The following CDH26 variants were observed in gnomAD, a reference collection of about 807,000 sequenced individuals.
CDH26 encodes cadherin-like protein 26.
Under a neutral mutation model 90.3 loss-of-function variants are expected in CDH26, and 83 were observed. The observed-to-expected ratio is 0.92, with a 90% CI of 0.77 to 1.10. CDH26 has a LOEUF of 1.10. CDH26 is among the 50% of genes least tolerant of loss of function. CDH26 has a pLI of 0.00. For synonymous variants in CDH26, 397 were observed against 396.3 expected, an observed-to-expected ratio of 1.00 and a Z score of -0.02; for missense variants, 1,013 against 1,037.6, an observed-to-expected ratio of 0.98 and a Z score of 0.33.
intron 4 of CDH26, among the ~76,000 whole-genome samples, chr20:59,981,288 T>C (rs1345825701): frequency 6.6e-6 from 1 of 152,202 alleles, no homozygotes; most frequent in East Asian, 1.9e-4. Context: ...AGTCTTTTGA[T>C]TGGGATCATG....
chr20:60,013,023 G>T lies in CDH26; in HGVS notation c.*293G>T. ...CTTCCACTGGCAGCCTAGCTTTGAG[G>T]GTAAATGAAAATATAACCCATAGAT... On this transcript the variant is annotated 3_prime_UTR_variant, in exon 18 of 18. Transcript: ENST00000348616. 7.6e-6 allele frequency: 2 copies of T among 263,704 alleles called. No individual in the cohort carries two copies. The highest frequency in any genetic ancestry group is 1.4e-5 in the Non-Finnish European group (2 of 138,494). The allele number at this position is 263,704 out of a possible 1,614,324, so 16.3% of individuals were successfully genotyped here.
chr20:60,016,489 T>C (rs1439388949), downstream of CDH26, among the ~76,000 whole-genome samples: 1 of 152,210 alleles, frequency 6.6e-6, no homozygotes, highest in African/African-American at 2.4e-5. Flanking sequence ...GCTGAATTTA[T>C]TTATCAGTTC....
rs1323650762 is a variant in CDH26 at position 60,012,554 on chromosome 20, G to A, written c.2323G>A (p.Asp775Asn). Residue 775 changes from aspartate to asparagine, a missense_variant, in exon 18 of 18, where the codon GAT becomes AAT. Transcript: ENST00000348616. The stretch of plus-strand genomic sequence containing the variant: ...ACTCCATGTTGCCAATGTGCTGGAA[G>A]ATGACCCCGGCTACCTACCTCACGT... ...QKLHVANVLE[D>N]DPGYLPHVYS... The A allele has an allele frequency of 6.2e-7, 1 of 1,613,896 alleles. No homozygotes were observed. Among genetic ancestry groups the A allele is most frequent in the African/African-American group, 1.3e-5 (1 of 74,932 alleles).
At chr20:60,005,703 T>C (rs886302416) in intron 16 of CDH26, among the ~76,000 whole-genome samples, 12 of 152,178 alleles carry the variant, frequency 7.9e-5, no homozygotes, top group African/African-American at 2.9e-4. Context: ...CCTGTTGGCT[T>C]GCCATTGCAC....
intron 17 of CDH26, among the ~76,000 whole-genome samples, chr20:60,009,385 T>C (rs1391192478): frequency 6.6e-6 from 1 of 152,248 alleles, no homozygotes; most frequent in Admixed American, 6.5e-5. Flanking sequence ...ACGTAGCATG[T>C]GGTGATCATC....
intron 7 of CDH26, among the ~76,000 whole-genome samples, chr20:59,985,822 T>C (rs972929046): frequency 6.6e-6 from 1 of 152,200 alleles, no homozygotes; most frequent in Non-Finnish European, 1.5e-5. Flanking sequence ...TTTACATGCA[T>C]TTTTTTCATT....
At position 59,987,581 on chromosome 20, in the gene CDH26, G is replaced by A. The variant is rs759725992; in HGVS notation, c.966G>A (p.Gly322=). 23 of 1,613,756 alleles carry A rather than the reference G, an allele frequency of 1.4e-5. No homozygotes were observed. The highest frequency in any genetic ancestry group is 1.9e-5 in the Non-Finnish European group (22 of 1,179,916). ...KFNILHGNEE[G]HFDISTDPET... ...ACATATTGCATGGCAATGAAGAGGG[G>A]CATTTTGACATTTCGACTGACCCTG... The change falls in exon 8 of 18, where the codon GGG becomes GGA. Residue 322 remains glycine, a synonymous_variant. Coordinates refer to ENST00000348616, the MANE Select transcript of CDH26 (RefSeq NM_177980.4).
At position 59,992,421 on chromosome 20, in the gene CDH26, A is replaced by C. The variant is rs770563463; in HGVS notation, c.1327A>C (p.Lys443Gln). Residue 443 changes from lysine to glutamine, a missense_variant, in exon 10 of 18, where the codon AAA (lysine) becomes CAA (glutamine). Physicochemically the swap from Lys to Gln is moderately conservative, Grantham distance 53 (BLOSUM62 1). Transcript: ENST00000348616. This position sits in a 1 kb window ranked among gnomAD's most constrained non-coding sequence, Gnocchi z 5.0. ...CCCAGCAAATTGGGTCAGCGTCGAC[A>C]AAAACTCCGGAGTGGTCATCACCGT... is the stretch of plus-strand genomic sequence containing the variant. The part of the protein sequence containing the change: ...HDPANWVSVD[K>Q]NSGVVITVEP... The C allele has an allele frequency of 1.6e-5, 26 of 1,613,982 alleles. No homozygotes were observed. Among genetic ancestry groups the C allele is most frequent in the Non-Finnish European group, 2.1e-5 (25 of 1,179,984 alleles).
Position 60,027,078 on chromosome 20 carries a change from G to A in CDH26, c.948-4153G>A, listed in dbSNP as rs187243750. Among the ~76,000 whole-genome samples the A allele has an allele frequency of 3.4e-3, 524 of 152,320 alleles. 2 individuals are homozygous for A. The highest frequency in any genetic ancestry group is 0.01 in the Middle Eastern group (3 of 294). ...TATGTGTGTGTGTTGAGGGGCATGC[G>A]GAGGGTAGGGGCAGTAGGTGGTCAC... is the stretch of plus-strand genomic sequence containing the variant. On this transcript the variant is annotated intron_variant, in intron 7 of 8. Transcript: ENST00000370991.
At chr20:59,962,732 G>C (rs1374216993) in intron 1 of CDH26, among the ~76,000 whole-genome samples, 1 of 152,200 alleles carries the variant, frequency 6.6e-6, no homozygotes, top group Admixed American at 6.5e-5. Flanking sequence ...AATCCTGTGG[G>C]TTCCCGAGGT....
chr20:60,012,852 G>A lies in CDH26; in HGVS notation c.*122G>A. 3.6e-6 allele frequency: 3 copies of A among 828,486 alleles called. No individual in the cohort carries two copies. In the South Asian group the frequency reaches 5.3e-5, roughly 15 times the overall value. 51.3% of individuals were successfully genotyped at this position (828,486 alleles called of 1,614,324 possible). On this transcript the variant is annotated 3_prime_UTR_variant, in exon 18 of 18. Transcript: ENST00000348616. Reference sequence around the variant, plus strand: ...AAAAATTACCTTCTAGTCCTAGGATGAGGACACACTATTAGTTTGAATTAA... The same window carrying A: ...AAAAATTACCTTCTAGTCCTAGGATAAGGACACACTATTAGTTTGAATTAA...
At chr20:59,987,377 C>G in intron 7 of CDH26, 76 bp from the exon 8 acceptor site, 62 of 1,093,150 alleles carry the variant, frequency 5.7e-5, no homozygotes, top group Non-Finnish European at 7.1e-5. Flanking sequence ...CTGCTTCTCT[C>G]CCTCCTTCCT....
intron 14 of CDH26, among the ~76,000 whole-genome samples, chr20:60,000,236 G>T (rs1432579516): frequency 6.6e-6 from 1 of 152,210 alleles, no homozygotes; most frequent in East Asian, 1.9e-4. Context: ...TGTCATAAGG[G>T]TGTGGAAACA....
rs1434447002 is a variant in CDH26 at position 59,999,661 on chromosome 20, A to G, written c.2095A>G (p.Lys699Glu). Residue 699 changes from lysine (K) to glutamate (E), a missense_variant and splice_region_variant, in exon 14 of 18, where the codon AAG becomes GAG. Physicochemically the swap from Lys to Glu is moderately conservative, Grantham distance 56. Coordinates refer to ENST00000348616, the MANE Select transcript of CDH26 (RefSeq NM_177980.4). ...TGCAGCAGGACCCACGCAGGGAGTT[A>G]AGGTAACATGCCCCTTACTTGCTTC... ...TAAAGPTQGVKDLEEVPPSAA... is the reference protein window; with the variant it reads ...TAAAGPTQGVEDLEEVPPSAA... The G allele has an allele frequency of 6.2e-7, 1 of 1,613,878 alleles. No individual in the cohort carries two copies. Among genetic ancestry groups the G allele is most frequent in the Non-Finnish European group, 8.5e-7 (1 of 1,179,922 alleles).
At chr20:60,009,389 G>T (rs1257632132) in intron 17 of CDH26, among the ~76,000 whole-genome samples, 1 of 152,236 alleles carries the variant, frequency 6.6e-6, no homozygotes, top group Non-Finnish European at 1.5e-5. Flanking sequence ...AGCATGTGGT[G>T]ATCATCACGT....
intron 12 of CDH26, 35 bp downstream of exon 12, chr20:59,996,089 C>T (rs1479640477): frequency 4.4e-6 from 7 of 1,592,246 alleles, no homozygotes; most frequent in Non-Finnish European, 6.0e-6. Context: ...GGGACTGTGG[C>T]TCCTCTCCCC....
chr20:60,000,699 C>T (rs60140329), intron 14 of CDH26, among the ~76,000 whole-genome samples: 1,946 of 152,276 alleles, frequency 0.013, 42 homozygotes, highest in African/African-American at 0.043. Context: ...AAAGCCTCCA[C>T]CTTCTAGGTT....
At chr20:59,966,704 G>A (rs1187528719) in intron 1 of CDH26, among the ~76,000 whole-genome samples, 3 of 152,188 alleles carry the variant, frequency 2.0e-5, no homozygotes, top group African/African-American at 4.8e-5. Context: ...GTGTTCTTAT[G>A]AAAGAGTTTG....
intron 8 of CDH26, 102 bp downstream of exon 8, chr20:59,987,740 C>T: frequency 4.5e-6 from 5 of 1,104,614 alleles, no homozygotes; most frequent in Non-Finnish European, 6.4e-6. Flanking sequence ...TCCGTGGATG[C>T]TGGGTGCTGA....
Sources: gnomAD v4.1 joint callset for allele counts (sites outside exome capture counted in the v4.1 genomes callset) on GRCh38, gnomAD v4.1.1 for gene constraint, Gnocchi (gnomAD v3.1) non-coding constraint, MANE v1.5 for transcripts, NCBI Gene and HGNC (gene_info 2026-07-23, HGNC 2026-07-21) for gene names.